The following NLRP14 variants were observed in gnomAD, a reference collection of about 807,000 sequenced individuals.
NLRP14 encodes the protein NLR family pyrin domain containing 14, also known as NACHT, LRR and PYD domains-containing protein 14.
A neutral mutation model predicts 94.7 loss-of-function variants in NLRP14; 105 were observed. That is an observed-to-expected ratio of 1.11 (90% CI 0.95 to 1.30). NLRP14 has a LOEUF of 1.30. Ranked by LOEUF, NLRP14 falls within the 50% of genes most tolerant of loss-of-function variation. The pLI is 0.00. For missense variants in NLRP14, 1,362 were observed against 1,254.1 expected (o/e 1.09, Z -1.30); for synonymous variants, 508 against 459.9 (o/e 1.10, Z -1.34).
chr11:7,080,459 T>G, the NLRP14 span, among the ~76,000 whole-genome samples: 4 of 152,206 alleles, frequency 2.6e-5, no homozygotes, highest in Non-Finnish European at 4.4e-5. Flanking sequence ...TCGTGACCAA[T>G]GCAAGATTAG....
intron 4 of NLRP14, 93 bp downstream of exon 4, chr11:7,044,077 A>T: frequency 8.2e-7 from 1 of 1,217,918 alleles, no homozygotes; most frequent in Admixed American, 1.8e-5. Context: ...GAGGTCCCAG[A>T]GCTGAGATAA....
At chr11:7,076,448 A>C (rs1852874562), downstream of NLRP14, among the ~76,000 whole-genome samples, 1 of 151,984 alleles carries the variant, frequency 6.6e-6, no homozygotes, top group African/African-American at 2.4e-5. Flanking sequence ...CTAACTTCTT[A>C]AGTTGGATTC....
chr11:7,050,748 G>A (rs1852431443), intron 6 of NLRP14, among the ~76,000 whole-genome samples: 1 of 152,146 alleles, frequency 6.6e-6, no homozygotes, highest in Non-Finnish European at 1.5e-5. Context: ...CAGCATATCT[G>A]GAAAGTTGTT....
chr11:7,061,906 G>A (rs1420200201), intron 9 of NLRP14, among the ~76,000 whole-genome samples: 1 of 151,978 alleles, frequency 6.6e-6, no homozygotes, highest in Admixed American at 6.6e-5. Context: ...CCATGCAAAG[G>A]ACCTGGAATA....
At chr11:7,025,371 A>G (rs1852000170) in intron 1 of NLRP14, among the ~76,000 whole-genome samples, 1 of 152,204 alleles carries the variant, frequency 6.6e-6, no homozygotes, top group Admixed American at 6.5e-5. Context: ...TCAAGAATTC[A>G]GAGCCTGTAT....
the NLRP14 span, among the ~76,000 whole-genome samples, chr11:7,077,006 G>A: frequency 1.3e-5 from 2 of 152,286 alleles, no homozygotes; most frequent in South Asian, 2.1e-4. Flanking sequence ...GGGAAGCCCC[G>A]CAGACTCCAG....
chr11:7,090,413 T>A, the NLRP14 span: 1 of 1,308,816 alleles, frequency 7.6e-7, no homozygotes, highest in Non-Finnish European at 1.1e-6. Context: ...TTTTACCTTT[T>A]AAGAATTTCC....
At chr11:7,078,462 A>AAAAAAAAAG in the NLRP14 span, among the ~76,000 whole-genome samples, 216 of 88,526 alleles carry the variant, frequency 2.4e-3, 58 homozygotes, top group Middle Eastern at 0.016. Flanking sequence ...AAAAAAAAAA[A>AAAAAAAAAG]CAAAAAAATT....
the NLRP14 span, among the ~76,000 whole-genome samples, chr11:7,076,850 AT>A: frequency 2.6e-5 from 4 of 152,324 alleles, no homozygotes; most frequent in East Asian, 7.7e-4. Context: ...GTGGGCTATG[AT>A]TCAAGAGTGA....
intron 1 of NLRP14, among the ~76,000 whole-genome samples, chr11:7,031,197 C>T (rs957862160): frequency 1.3e-5 from 2 of 152,200 alleles, no homozygotes; most frequent in African/African-American, 2.4e-5. Context: ...CGCTTATACC[C>T]TTTGCCACCG....
chr11:7,063,407 C>A (rs1185344959), intron 10 of NLRP14, among the ~76,000 whole-genome samples: 1 of 152,022 alleles, frequency 6.6e-6, no homozygotes, highest in East Asian at 1.9e-4. Context: ...TGGATGCCTG[C>A]ACATGCAACA....
the NLRP14 span, chr11:7,089,953 C>T: frequency 1.9e-6 from 3 of 1,612,878 alleles, no homozygotes; most frequent in African/African-American, 2.7e-5. Flanking sequence ...AGCAGAGGCT[C>T]CCATCGAGAG....
At chr11:7,070,052 A>G (rs971075473) in intron 10 of NLRP14, among the ~76,000 whole-genome samples, 1 of 152,172 alleles carries the variant, frequency 6.6e-6, no homozygotes, top group African/African-American at 2.4e-5. Context: ...TATTTTATTT[A>G]TTCCTTAATA....
chr11:7,043,979 C>T lies in NLRP14; in HGVS notation c.1953C>T (p.Asn651=), dbSNP rs773965264. The T allele has an allele frequency of 6.2e-7, 1 of 1,614,090 alleles. No individual in the cohort carries two copies. The highest frequency in any genetic ancestry group is 1.7e-5 in the Admixed American group (1 of 60,026). ...KKILKTSLPT[N]TWDGDRITHC... ...TATTAAAAACAAGCCTCCCAACTAA[C>T]ACTTGGTAAGTGTGTTAGGGCCATT... The change falls in exon 4 of 12, where the codon AAC becomes AAT. Residue 651 remains asparagine (N), a synonymous_variant. Transcript: ENST00000299481.
intron 8 of NLRP14, 84 bp from the exon 9 acceptor site, chr11:7,059,810 C>G (rs931321709): frequency 2.5e-6 from 3 of 1,201,382 alleles, no homozygotes; most frequent in African/African-American, 3.0e-5. Context: ...GATAAGGGAT[C>G]AAATCATGAA....
chr11:7,037,730 A>G (rs762036662), intron 1 of NLRP14, among the ~76,000 whole-genome samples: 5 of 152,238 alleles, frequency 3.3e-5, no homozygotes, highest in African/African-American at 4.8e-5. Context: ...GAAACCACTC[A>G]GTTAACTGGA....
chr11:7,057,992 C>G, intron 7 of NLRP14, 145 bp downstream of exon 7: 2 of 745,808 alleles, frequency 2.7e-6, no homozygotes, highest in Non-Finnish European at 4.8e-6. Flanking sequence ...CATCCCCCTT[C>G]TCTTCCTCTA....
rs151142805 is a variant in NLRP14, at chr11:7,066,560, T to C, written c.2976-3726T>C. ...TGCCCACTTTTTGATGGGGTTGTTT[T>C]TTTCTTGTCAATTTGTTTAAATTCA... On this transcript the variant is annotated intron_variant, in intron 10 of 11. Coordinates refer to ENST00000299481, the MANE Select transcript of NLRP14 (RefSeq NM_176822.4). 5.1e-3 allele frequency among the ~76,000 whole-genome samples: 778 copies of C among 152,324 alleles called. 3 individuals carry two copies. Among genetic ancestry groups the C allele is most frequent in the African/African-American group, 0.012 (499 of 41,568 alleles).
chr11:7,071,412 G>T lies in NLRP14; in HGVS notation c.*104G>T. 1 of 893,800 alleles carries T rather than the reference G, an allele frequency of 1.1e-6. No homozygotes were observed. Among genetic ancestry groups the T allele is most frequent in the Admixed American group, 2.0e-5 (1 of 49,186 alleles). The allele number at this position is 893,800 out of a possible 1,614,324, so 55.4% of individuals were successfully genotyped here. On this transcript the variant is annotated 3_prime_UTR_variant, in exon 12 of 12. Coordinates refer to ENST00000299481, the MANE Select transcript of NLRP14 (RefSeq NM_176822.4). The stretch of plus-strand genomic sequence containing the variant: ...TAGCTTCAGATACTCTATGCCCAGA[G>T]ATAGTGCACTTGGCAGCTGTCAGAT...
Sources: allele counts gnomAD v4.1 joint callset (sites outside exome capture counted in the v4.1 genomes callset), GRCh38; gene constraint gnomAD v4.1.1; transcripts MANE v1.5; gene names NCBI Gene and HGNC (gene_info 2026-07-23, HGNC 2026-07-21).